Variants in FAR1 observed in about 807,000 individuals in gnomAD.
FAR1 encodes the protein male sterility domain-containing protein 2.
FAR1 carries 22 observed loss-of-function variants against 61.1 expected under a neutral mutation model. That is an observed-to-expected ratio of 0.36 (90% CI 0.26 to 0.51). FAR1 has a LOEUF of 0.51. Ranked by LOEUF, FAR1 falls within the 20% of genes least tolerant of loss-of-function variation. FAR1 has a pLI of 0.95. For missense variants in FAR1, 359 were observed against 626.9 expected, an observed-to-expected ratio of 0.57 and a Z score of 4.56; for synonymous variants, 206 against 209.7, an observed-to-expected ratio of 0.98 and a Z score of 0.15.
chr11:13,692,670 G>A (rs1453368469), intron 1 of FAR1, among the ~76,000 whole-genome samples: 11 of 152,018 alleles, frequency 7.2e-5, no homozygotes, highest in Admixed American at 7.2e-4. Context: ...TTGTAATCAG[G>A]TGACATTAAA....
At position 13,728,598 on chromosome 11, in the gene FAR1, G is replaced by T; in HGVS notation, c.1386-14G>T. On this transcript the variant is annotated splice_polypyrimidine_tract_variant and intron_variant, in intron 11 of 11. Coordinates refer to ENST00000354817, the MANE Select transcript of FAR1 (RefSeq NM_032228.6). ...GAAAATACTGTCTAACATATCTCTT[G>T]ATTTGCTTTCCAGGTTGCGGAATAT... 2 of 1,606,310 alleles carry T rather than the reference G, an allele frequency of 1.2e-6. No homozygotes were observed. The highest frequency in any genetic ancestry group is 1.1e-5 in the South Asian group (1 of 90,632).
intron 10 of FAR1, chr11:13,723,499 T>C: frequency 3.0e-6 from 1 of 336,244 alleles, no homozygotes; most frequent in Non-Finnish European, 5.8e-6. Context: ...TTCCATTTTC[T>C]CTTTATGTTT....
chr11:13,684,149 A>G (rs916612270), intron 1 of FAR1, among the ~76,000 whole-genome samples: 1 of 152,242 alleles, frequency 6.6e-6, no homozygotes, highest in Non-Finnish European at 1.5e-5. Flanking sequence ...CGAGAGGGAA[A>G]GTAATTTTTC....
intron 11 of FAR1, 122 bp from the exon 12 acceptor site, chr11:13,728,490 C>A: frequency 1.1e-6 from 1 of 870,064 alleles, no homozygotes; most frequent in Non-Finnish European, 1.8e-6. Context: ...TAATGCCTAT[C>A]ATAAGTTTCA....
intron 1 of FAR1, among the ~76,000 whole-genome samples, chr11:13,694,270 G>A (rs1848285998): frequency 6.6e-6 from 1 of 152,112 alleles, no homozygotes; most frequent in Admixed American, 6.6e-5. Context: ...AAAGGGCTCG[G>A]TGTCACCTCT....
chr11:13,678,719 T>TG (rs1171385510), intron 1 of FAR1, among the ~76,000 whole-genome samples: 5 of 139,754 alleles, frequency 3.6e-5, no homozygotes, highest in South Asian at 5.0e-4. Context: ...TAGAATTTAG[T>TG]GGGTCTTTTT....
Position 13,721,657 on chromosome 11 carries a change from G to A in FAR1, c.1128-73G>A. 2 of 1,288,474 alleles carry A rather than the reference G, an allele frequency of 1.6e-6. No individual in the cohort carries two copies. The highest frequency in any genetic ancestry group is 2.5e-5 in the East Asian group (1 of 40,744). The allele number at this position is 1,288,474 out of a possible 1,614,324, so 79.8% of individuals were successfully genotyped here. On this transcript the variant is annotated intron_variant, in intron 9 of 11. Transcript: ENST00000354817. The surrounding 1 kb of genome is among the most constrained non-coding windows in gnomAD (Gnocchi z 4.2). ...ATGTCTATATTATAGGGGGAAACTT[G>A]CACCCTGGGTGGTGATAGGATTTTT... is the stretch of plus-strand genomic sequence containing the variant.
intron 9 of FAR1, among the ~76,000 whole-genome samples, chr11:13,716,749 AT>A (rs996057906): frequency 6.6e-5 from 10 of 151,966 alleles, no homozygotes; most frequent in African/African-American, 1.2e-4. Context: ...ATCTTCTTAA[AT>A]TTTTTTTCAT....
chr11:13,699,618 G>T (rs1848348037), intron 2 of FAR1, among the ~76,000 whole-genome samples: 1 of 152,144 alleles, frequency 6.6e-6, no homozygotes, highest in Admixed American at 6.5e-5. Context: ...GGGATAAAAA[G>T]TTAAACTTGA....
chr11:13,685,030 ATCTC>A (rs557187953), intron 1 of FAR1, among the ~76,000 whole-genome samples: 1 of 152,132 alleles, frequency 6.6e-6, no homozygotes, highest in African/African-American at 2.4e-5. Flanking sequence ...TCTAGGTAAG[ATCTC>A]TCTGTGGATC....
At position 13,730,640 on chromosome 11, in the gene FAR1, A is replaced by G. The variant is rs1848714943; in HGVS notation, c.*1866A>G. ...TGTATGATTTTTATACTTCTGCCGA[A>G]TAGACTTAGAATCAGATGAATTGTC... is the stretch of plus-strand genomic sequence containing the variant. On this transcript the variant is annotated 3_prime_UTR_variant, in exon 12 of 12. Coordinates refer to ENST00000354817, the MANE Select transcript of FAR1 (RefSeq NM_032228.6). The G allele has an allele frequency of 6.6e-6, 1 of 152,146 alleles. No homozygotes were observed. Among genetic ancestry groups the G allele is most frequent in the South Asian group, 2.1e-4 (1 of 4,832 alleles). The allele number at this position is 152,146 out of a possible 1,614,324, so 9.4% of individuals were successfully genotyped here. A position where few individuals can be genotyped will look rare whatever the true frequency, so the allele number is the denominator to read the frequency against.
chr11:13,669,804 C>T (rs985741308), intron 1 of FAR1: 6 of 152,086 alleles, frequency 3.9e-5, no homozygotes, highest in Non-Finnish European at 8.8e-5. Flanking sequence ...AGCACAAGAA[C>T]TCACTCCCTC....
chr11:13,707,802 T>A (rs1848449985), intron 3 of FAR1, 98 bp from the exon 4 acceptor site: 1 of 836,522 alleles, frequency 1.2e-6, no homozygotes, highest in African/African-American at 1.8e-5. Context: ...AAACAAAAAT[T>A]TCTCTGTCTC....
At chr11:13,704,595 G>A (rs1848413424) in intron 3 of FAR1, among the ~76,000 whole-genome samples, 1 of 152,150 alleles carries the variant, frequency 6.6e-6, no homozygotes, top group African/African-American at 2.4e-5. Context: ...AGTCACTGTT[G>A]CACCTTGTTT....
intron 10 of FAR1, among the ~76,000 whole-genome samples, chr11:13,722,858 C>CTCTATATATA (rs905924337): frequency 6.8e-6 from 1 of 147,812 alleles, no homozygotes; most frequent in African/African-American, 2.5e-5. Flanking sequence ...CTCTCTCTCT[C>CTCTATATATA]TATATATATA....
Position 13,708,093 on chromosome 11 carries a change from AAATTTAT to A in FAR1, c.545+16_545+22del. 4 of 1,545,634 alleles carry A rather than the reference AAATTTAT, an allele frequency of 2.6e-6. No individual in the cohort carries two copies. The highest frequency in any genetic ancestry group is 3.5e-6 in the Non-Finnish European group (4 of 1,144,692). On this transcript the variant is annotated intron_variant, in intron 4 of 11. Coordinates refer to ENST00000354817, the MANE Select transcript of FAR1 (RefSeq NM_032228.6). Reference sequence around the variant, plus strand: ...TGATTCTTTAGAGTATGTTTGTTTGAAATTTATATACATTTACTTTGATCCCAAAAGA... The same window carrying A: ...TGATTCTTTAGAGTATGTTTGTTTGAATACATTTACTTTGATCCCAAAAGA...
At chr11:13,722,115 A>C (rs913927971) in intron 10 of FAR1, among the ~76,000 whole-genome samples, 13 of 151,988 alleles carry the variant, frequency 8.6e-5, no homozygotes, top group Non-Finnish European at 1.8e-4. Flanking sequence ...TTTTCCCTTA[A>C]TGTTGGTTTC....
At chr11:13,705,363 T>G (rs1023772) in intron 3 of FAR1, among the ~76,000 whole-genome samples, 83,663 of 151,540 alleles carry the variant, frequency 0.55, 23,342 homozygotes, top group Non-Finnish European at 0.58. Context: ...TGTTACTCAC[T>G]TGGGTGCAGA....
chr11:13,710,212 G>T (rs1168289915), intron 4 of FAR1, among the ~76,000 whole-genome samples: 1 of 151,860 alleles, frequency 6.6e-6, no homozygotes, highest in Non-Finnish European at 1.5e-5. Context: ...ACTTCATTAG[G>T]TGGTTATATA....
Sources: gnomAD v4.1 joint callset for allele counts (sites outside exome capture counted in the v4.1 genomes callset) on GRCh38, gnomAD v4.1.1 for gene constraint, Gnocchi (gnomAD v3.1) non-coding constraint, MANE v1.5 for transcripts, NCBI Gene and HGNC (gene_info 2026-07-23, HGNC 2026-07-21) for gene names.